The following SPMIP2 variants were observed in gnomAD, a reference collection of about 807,000 sequenced individuals.
SPMIP2 encodes sperm microtubule inner protein 2.
At chr4:158,941,795 G>C in the SPMIP2 span, among the ~76,000 whole-genome samples, 1 of 152,044 alleles carries the variant, frequency 6.6e-6, no homozygotes. Flanking sequence ...TTTATAACTA[G>C]GTAAGAAATG....
At chr4:158,907,922 T>C in the SPMIP2 span, 2 of 152,236 alleles carry the variant, frequency 1.3e-5, no homozygotes, top group East Asian at 3.8e-4. Context: ...TTGATAGGAC[T>C]TCGTTTTTGA....
At chr4:158,986,440 T>C in the SPMIP2 span, among the ~76,000 whole-genome samples, 3 of 152,066 alleles carry the variant, frequency 2.0e-5, no homozygotes, top group African/African-American at 7.2e-5. Context: ...AACAGAGATA[T>C]AGATCAATGG....
the SPMIP2 span, among the ~76,000 whole-genome samples, chr4:159,024,211 T>C: frequency 6.6e-6 from 1 of 152,190 alleles, no homozygotes; most frequent in Non-Finnish European, 1.5e-5. Context: ...ACCAACTAAA[T>C]GATTTGATGT....
At chr4:159,067,984 TG>T in the SPMIP2 span, among the ~76,000 whole-genome samples, 1 of 152,198 alleles carries the variant, frequency 6.6e-6, no homozygotes, top group Non-Finnish European at 1.5e-5. Flanking sequence ...CCAGTTAGAA[TG>T]GCGATCATTA....
At chr4:158,976,659 A>ATTTTTTT in the SPMIP2 span, among the ~76,000 whole-genome samples, 225 of 94,722 alleles carry the variant, frequency 2.4e-3, 20 homozygotes, top group African/African-American at 7.2e-3. Flanking sequence ...ATGGATAAGC[A>ATTTTTTT]TTTTTTTTTT....
chr4:158,966,642 AT>A, the SPMIP2 span, among the ~76,000 whole-genome samples: 1 of 152,190 alleles, frequency 6.6e-6, no homozygotes, highest in Non-Finnish European at 1.5e-5. Context: ...AAGAAGCTAA[AT>A]TTTTTTAAAA....
chr4:158,975,894 C>T, the SPMIP2 span, among the ~76,000 whole-genome samples: 12 of 152,104 alleles, frequency 7.9e-5, no homozygotes, highest in Admixed American at 3.3e-4. Context: ...TTGGGCAGTA[C>T]GGCCATTTTC....
At chr4:159,052,476 C>T in the SPMIP2 span, among the ~76,000 whole-genome samples, 1 of 152,046 alleles carries the variant, frequency 6.6e-6, no homozygotes, top group African/African-American at 2.4e-5. Context: ...TGCAACTAGC[C>T]AGTTGTGCAG....
At chr4:158,898,212 C>A in the SPMIP2 span, among the ~76,000 whole-genome samples, 1 of 152,136 alleles carries the variant, frequency 6.6e-6, no homozygotes, top group South Asian at 2.1e-4. Flanking sequence ...TGTTTTGGTA[C>A]CAATACCGTG....
the SPMIP2 span, among the ~76,000 whole-genome samples, chr4:159,074,072 T>C: frequency 1.3e-5 from 2 of 152,198 alleles, no homozygotes; most frequent in Admixed American, 6.5e-5. Flanking sequence ...TAAAGGGTCC[T>C]GTTGACTCTG....
chr4:159,055,250 A>G, the SPMIP2 span, among the ~76,000 whole-genome samples: 8 of 152,340 alleles, frequency 5.3e-5, no homozygotes, highest in African/African-American at 1.9e-4. Context: ...GGAGAGACAT[A>G]GGGTGCTCTA....
the SPMIP2 span, among the ~76,000 whole-genome samples, chr4:159,010,896 T>C: frequency 1.3e-5 from 2 of 152,160 alleles, no homozygotes; most frequent in Admixed American, 1.3e-4. Context: ...ATTATAACTT[T>C]GTGAGTTTCA....
chr4:159,037,785 T>TAC, the SPMIP2 span, among the ~76,000 whole-genome samples: 2,119 of 118,880 alleles, frequency 0.018, 24 homozygotes, highest in African/African-American at 0.041. Flanking sequence ...AAACAATATA[T>TAC]ACACACACAC....
the SPMIP2 span, among the ~76,000 whole-genome samples, chr4:158,933,458 C>T: frequency 6.6e-6 from 1 of 152,126 alleles, no homozygotes; most frequent in Non-Finnish European, 1.5e-5. Context: ...ATTGCCTTTT[C>T]CTTTTGTTTC....
chr4:158,914,938 ATTCTG>A, the SPMIP2 span, among the ~76,000 whole-genome samples: 1 of 152,216 alleles, frequency 6.6e-6, no homozygotes. Flanking sequence ...GTGATAAGAA[ATTCTG>A]AGGACACAAC....
At chr4:159,053,835 T>G in the SPMIP2 span, among the ~76,000 whole-genome samples, 1 of 151,798 alleles carries the variant, frequency 6.6e-6, no homozygotes, top group African/African-American at 2.4e-5. Flanking sequence ...ATACCTGTAA[T>G]CTCAGCACTT....
chr4:158,930,410 T>C, the SPMIP2 span, among the ~76,000 whole-genome samples: 1 of 152,060 alleles, frequency 6.6e-6, no homozygotes, highest in African/African-American at 2.4e-5. Context: ...GATTTCATCA[T>C]GTTGCCAGGC....
the SPMIP2 span, among the ~76,000 whole-genome samples, chr4:158,955,850 G>A: frequency 0.042 from 6,391 of 152,282 alleles, 454 homozygotes; most frequent in African/African-American, 0.14. Context: ...ATATGCCTTC[G>A]AATGGAAGAA....
chr4:159,031,089 T>C, the SPMIP2 span, among the ~76,000 whole-genome samples: 1 of 152,246 alleles, frequency 6.6e-6, no homozygotes, highest in Non-Finnish European at 1.5e-5. Flanking sequence ...GGTACTTCAC[T>C]TAAACTAATG....
Sources: gnomAD v4.1 joint callset for allele counts (sites outside exome capture counted in the v4.1 genomes callset) on GRCh38, gnomAD v4.1.1 for gene constraint, MANE v1.5 for transcripts, NCBI Gene and HGNC (gene_info 2026-07-23, HGNC 2026-07-21) for gene names.